The following MYO6 variants were observed in gnomAD, a reference collection of about 807,000 sequenced individuals.
MYO6 encodes unconventional myosin-VI.
Under a neutral mutation model 178.7 loss-of-function variants are expected in MYO6, and 74 were observed. The ratio of observed to expected loss-of-function variants is 0.41; its 90% confidence interval spans 0.34 to 0.50. MYO6 has a LOEUF of 0.50. Ranked by LOEUF, MYO6 falls within the 20% of genes least tolerant of loss-of-function variation. MYO6 has a pLI of 0.09. For missense variants in MYO6, 1,330 were observed against 1,547.4 expected (o/e 0.86, Z 2.36); for synonymous variants, 477 against 504.6 (o/e 0.95, Z 0.73).
intron 14 of MYO6, among the ~76,000 whole-genome samples, chr6:75,859,195 C>T (rs537915216): frequency 1.3e-5 from 2 of 152,002 alleles, no homozygotes; most frequent in African/African-American, 2.4e-5. Flanking sequence ...TTTAGGGACC[C>T]GATAAAAACC....
intron 7 of MYO6, among the ~76,000 whole-genome samples, chr6:75,840,020 C>A (rs1409930207): frequency 6.6e-6 from 1 of 151,590 alleles, no homozygotes; most frequent in Non-Finnish European, 1.5e-5. Flanking sequence ...AAAATTTAGT[C>A]TTTCCTATAA....
intron 1 of MYO6, among the ~76,000 whole-genome samples, chr6:75,816,181 C>G (rs369272111): frequency 6.6e-6 from 1 of 152,124 alleles, no homozygotes; most frequent in Non-Finnish European, 1.5e-5. Flanking sequence ...TGGACTAGTA[C>G]GCACTACAAG....
chr6:75,749,831 A>G (rs1366911444), intron 1 of MYO6, among the ~76,000 whole-genome samples: 1 of 152,178 alleles, frequency 6.6e-6, no homozygotes, highest in Admixed American at 6.5e-5. Context: ...AAATGATACC[A>G]TTAATAGTCT....
intron 3 of MYO6, 44 bp from the exon 4 acceptor site, chr6:75,828,496 T>C (rs1444300526): frequency 8.8e-7 from 1 of 1,142,518 alleles, no homozygotes; most frequent in Non-Finnish European, 1.3e-6. Flanking sequence ...TTATTTTATT[T>C]GTTTTCTTCA....
chr6:75,767,104 C>T (rs1778488857), intron 1 of MYO6, among the ~76,000 whole-genome samples: 1 of 151,982 alleles, frequency 6.6e-6, no homozygotes, highest in African/African-American at 2.4e-5. Flanking sequence ...TGGCTCACTG[C>T]CACCTCTGCC....
chr6:75,866,309 C>A (rs1252512807), intron 16 of MYO6, among the ~76,000 whole-genome samples: 1 of 85,972 alleles, frequency 1.2e-5, no homozygotes, highest in South Asian at 3.5e-4. Flanking sequence ...GTGTGTGTGT[C>A]TTACACCTAT....
intron 5 of MYO6, among the ~76,000 whole-genome samples, chr6:75,832,168 T>C (rs1160447999): frequency 2.0e-5 from 3 of 152,184 alleles, no homozygotes; most frequent in Admixed American, 1.3e-4. Flanking sequence ...CCTAAATTGT[T>C]GGAGTCTAAT....
intron 2 of MYO6, among the ~76,000 whole-genome samples, chr6:75,820,874 CT>C (rs1771797901): frequency 1.3e-5 from 2 of 152,042 alleles, no homozygotes; most frequent in African/African-American, 4.8e-5. Context: ...TAATTGTTTA[CT>C]TTGTCTCTCC....
chr6:75,879,730 A>G, intron 20 of MYO6, 90 bp from the exon 21 acceptor site: 1 of 1,584,798 alleles, frequency 6.3e-7, no homozygotes, highest in East Asian at 2.2e-5. Flanking sequence ...GCCCGTTTCT[A>G]AACAGTATCT....
intron 11 of MYO6, among the ~76,000 whole-genome samples, chr6:75,854,454 G>T (rs1775566238): frequency 6.6e-6 from 1 of 151,832 alleles, no homozygotes; most frequent in Non-Finnish European, 1.5e-5. Flanking sequence ...AACTGGACAG[G>T]GGTATACATG....
At chr6:75,792,433 G>A (rs1224292816) in intron 1 of MYO6, among the ~76,000 whole-genome samples, 1 of 152,142 alleles carries the variant, frequency 6.6e-6, no homozygotes, top group African/African-American at 2.4e-5. Flanking sequence ...GGGAATTTGT[G>A]CCATGGAAAC....
At chr6:75,769,561 G>T (rs371031751) in intron 1 of MYO6, among the ~76,000 whole-genome samples, 1 of 152,224 alleles carries the variant, frequency 6.6e-6, no homozygotes, top group Admixed American at 6.5e-5. Context: ...CAAGTCGTGG[G>T]CTCCCAAGGT....
chr6:75,893,268 A>G (rs1779047373), intron 28 of MYO6, among the ~76,000 whole-genome samples: 1 of 152,032 alleles, frequency 6.6e-6, no homozygotes, highest in East Asian at 1.9e-4. Flanking sequence ...AGTGGAGTGT[A>G]TAGGAATGTG....
intron 1 of MYO6, among the ~76,000 whole-genome samples, chr6:75,800,171 C>G (rs1769302172): frequency 6.6e-6 from 1 of 152,160 alleles, no homozygotes; most frequent in African/African-American, 2.4e-5. Context: ...AGACTCTACT[C>G]TCCCCAAACA....
At position 75,895,152 on chromosome 6, in the gene MYO6, G is replaced by GA. The variant is rs1779197144; in HGVS notation, c.3108-76dup. On this transcript the variant is annotated intron_variant, in intron 28 of 34. Transcript: ENST00000369977. ...TTTAAAATCAATGAGTAAAGTAATT[G>GA]AAACACAAATTTGCACAATCCAGAT... 2.7e-6 allele frequency: 3 copies of GA among 1,113,040 alleles called. No homozygotes were observed. The South Asian group carries it at 4.2e-5, about 16-fold the overall frequency. The allele number at this position is 1,113,040 out of a possible 1,614,324, so 68.9% of individuals were successfully genotyped here.
chr6:75,870,878 T>C lies in MYO6; in HGVS notation c.1983+193T>C, dbSNP rs11964991. On this transcript the variant is annotated intron_variant, in intron 19 of 34. Transcript: ENST00000369977. The stretch of plus-strand genomic sequence containing the variant: ...GTGAAGTCAGATTATTTTATAAATA[T>C]ATAGAATTCTTGACTATTTAAAAAT... 0.016 allele frequency among the ~76,000 whole-genome samples: 2,497 copies of C among 152,268 alleles called. 71 individuals are homozygous for C. The highest frequency in any genetic ancestry group is 0.057 in the African/African-American group (2,384 of 41,556).
chr6:75,903,821 C>A (rs1780030147), intron 30 of MYO6, among the ~76,000 whole-genome samples: 1 of 151,834 alleles, frequency 6.6e-6, no homozygotes, highest in Non-Finnish European at 1.5e-5. Flanking sequence ...TCTTCCTAGT[C>A]TCGATGGTCT....
At chr6:75,891,035 T>A (rs1778865895) in intron 26 of MYO6, among the ~76,000 whole-genome samples, 193 bp from the exon 27 acceptor site, 4 of 152,194 alleles carry the variant, frequency 2.6e-5, no homozygotes, top group African/African-American at 9.6e-5. Flanking sequence ...TAATTATATT[T>A]GTTTTATTTA....
At chr6:75,866,909 T>C (rs764175219) in intron 17 of MYO6, 23 bp from the exon 18 acceptor site, 3 of 1,611,244 alleles carry the variant, frequency 1.9e-6, no homozygotes, top group Non-Finnish European at 2.5e-6. Flanking sequence ...GACAGAAACA[T>C]TCCTGTTTGA....
Sources: allele counts gnomAD v4.1 joint callset (sites outside exome capture counted in the v4.1 genomes callset), GRCh38; gene constraint gnomAD v4.1.1; transcripts MANE v1.5; gene names NCBI Gene and HGNC (gene_info 2026-07-23, HGNC 2026-07-21).